PRKCG: variants seen among roughly 807,000 people sequenced by gnomAD.
The protein encoded by PRKCG is protein kinase C gamma type.
In PRKCG, 28 loss-of-function variants were observed where a neutral mutation model predicts 82.0. That is an observed-to-expected ratio of 0.34 (90% CI 0.25 to 0.47). PRKCG has a LOEUF of 0.47. PRKCG is among the 20% of genes least tolerant of loss of function. The pLI, the probability that PRKCG is intolerant of heterozygous loss-of-function variation, is 1.00. For synonymous variants in PRKCG, 383 were observed against 376.6 expected (o/e 1.02, Z -0.20); for missense variants, 640 against 952.7 (o/e 0.67, Z 4.32).
chr19:53,896,510 C>T (rs1449331702), intron 9 of PRKCG, among the ~76,000 whole-genome samples: 1 of 152,048 alleles, frequency 6.6e-6, no homozygotes, highest in Non-Finnish European at 1.5e-5. Flanking sequence ...ACCTCTGCCT[C>T]CCGGGTTCAA....
Position 53,883,655 on chromosome 19 carries a change from A to T in PRKCG, c.202+461A>T, listed in dbSNP as rs1160964286. 8.0e-6 allele frequency among the ~76,000 whole-genome samples: 1 copy of T among 124,718 alleles called. No individual in the cohort carries two copies. Among genetic ancestry groups the T allele is most frequent in the African/African-American group, 3.1e-5 (1 of 32,586 alleles). 81.8% of individuals were successfully genotyped at this position (124,718 alleles called of 152,430 possible). On this transcript the variant is annotated intron_variant, in intron 2 of 17. Coordinates refer to ENST00000263431, the MANE Select transcript of PRKCG (RefSeq NM_002739.5). The surrounding 1 kb of genome is among the most constrained non-coding windows in gnomAD (Gnocchi z 5.4). Reference sequence around the variant, plus strand: ...TTCTGGGGGGCGGGAGAGGGGGGCGAGTCCTTGAGCACCAGCTGCTACTGC... The same window carrying T: ...TTCTGGGGGGCGGGAGAGGGGGGCGTGTCCTTGAGCACCAGCTGCTACTGC...
At chr19:53,898,321 C>A in intron 10 of PRKCG, 119 bp from the exon 11 acceptor site, 1 of 1,410,006 alleles carries the variant, frequency 7.1e-7, no homozygotes, top group Non-Finnish European at 9.9e-7. Context: ...GGCTGTCAGT[C>A]CCTTAAGAGA....
rs762529486 is a variant in PRKCG, at chr19:53,892,752, GCA to G, written c.821+137_821+138del. 45,043 of 1,049,990 alleles carry G rather than the reference GCA, an allele frequency of 0.043. 226 individuals are homozygous for G. The highest frequency in any genetic ancestry group is 0.061 in the South Asian group (3,827 of 62,632). The allele number at this position is 1,049,990 out of a possible 1,614,324, so 65.0% of individuals were successfully genotyped here. ...TCCTTCCCTCTGCCTCCCAGCATGC[GCA>G]CACACACACACACACACACACACAC... is the stretch of plus-strand genomic sequence containing the variant. On this transcript the variant is annotated intron_variant, in intron 7 of 17. Transcript: ENST00000263431. The surrounding 1 kb of genome is among the most constrained non-coding windows in gnomAD (Gnocchi z 5.9).
chr19:53,887,700 C>T (rs961184250), intron 3 of PRKCG, among the ~76,000 whole-genome samples: 4 of 150,536 alleles, frequency 2.7e-5, no homozygotes, highest in South Asian at 2.1e-4. Context: ...CACGGTGGCA[C>T]GCGCCTGTAG....
At position 53,906,906 on chromosome 19, in the gene PRKCG, C is replaced by T. The variant is rs1271982202; in HGVS notation, c.*11C>T. 2 of 1,613,418 alleles carry T rather than the reference C, an allele frequency of 1.2e-6. No individual in the cohort carries two copies. Among genetic ancestry groups the T allele is most frequent in the Non-Finnish European group, 1.7e-6 (2 of 1,179,898 alleles). ...GTGCCCGTCATGTAATCTCACCCGC[C>T]GCCACTAGGTGTCCCCAACGTCCCC... On this transcript the variant is annotated 3_prime_UTR_variant, in exon 18 of 18. Coordinates refer to ENST00000263431, the MANE Select transcript of PRKCG (RefSeq NM_002739.5).
In PRKCG at chr19:53,884,305, G is replaced by T; in HGVS notation, c.285+62G>T. 1 of 1,469,706 alleles carries T rather than the reference G, an allele frequency of 6.8e-7. No individual in the cohort carries two copies. The highest frequency in any genetic ancestry group is 2.2e-4 in the Middle Eastern group (1 of 4,538). 91.0% of individuals were successfully genotyped at this position (1,469,706 alleles called of 1,614,324 possible). A position where few individuals can be genotyped will look rare whatever the true frequency, so the allele number is the denominator to read the frequency against. On this transcript the variant is annotated intron_variant, in intron 3 of 17. Coordinates refer to ENST00000263431, the MANE Select transcript of PRKCG (RefSeq NM_002739.5). This position sits in a 1 kb window ranked among gnomAD's most constrained non-coding sequence, Gnocchi z 4.6. ...GTGCCCCCGCCCTCACCCCCTCGGC[G>T]TCCGTCCCAATTTCTCCTGCTATTT...
chr19:53,892,917 T>C lies in PRKCG; in HGVS notation c.822-71T>C. On this transcript the variant is annotated intron_variant, in intron 7 of 17. Coordinates refer to ENST00000263431, the MANE Select transcript of PRKCG (RefSeq NM_002739.5). This position sits in a 1 kb window ranked among gnomAD's most constrained non-coding sequence, Gnocchi z 5.9. ...GTCTCTCTGTGTCTCTTTCCTCCCTTCCAATGTCTTTGCCTCTCCCATGGG... is the reference window on the plus strand; with the variant it reads ...GTCTCTCTGTGTCTCTTTCCTCCCTCCCAATGTCTTTGCCTCTCCCATGGG... 7.1e-7 allele frequency: 1 copy of C among 1,404,636 alleles called. No homozygotes were observed. Among genetic ancestry groups the C allele is most frequent in the Non-Finnish European group, 1.0e-6 (1 of 996,818 alleles). 87.0% of individuals were successfully genotyped at this position (1,404,636 alleles called of 1,614,324 possible). A position where few individuals can be genotyped will look rare whatever the true frequency, so the allele number is the denominator to read the frequency against.
At chr19:53,891,957 A>G in intron 6 of PRKCG, 127 bp downstream of exon 6, 1 of 1,239,198 alleles carries the variant, frequency 8.1e-7, no homozygotes, top group Non-Finnish European at 1.2e-6. Context: ...GCAGAAGAAG[A>G]TGGTGGGAAA....
upstream of PRKCG, chr19:53,882,191 G>A: frequency 2.4e-6 from 1 of 415,736 alleles, no homozygotes; most frequent in Non-Finnish European, 4.4e-6. This position sits in a 1 kb window ranked among gnomAD's most constrained non-coding sequence, Gnocchi z 6.1. Flanking sequence ...CCAACCCGGG[G>A]CTCCCACATT....
chr19:53,902,908 A>C (rs966304773), intron 14 of PRKCG, among the ~76,000 whole-genome samples, 165 bp from the exon 15 acceptor site: 3 of 151,446 alleles, frequency 2.0e-5, no homozygotes, highest in Admixed American at 2.0e-4. Flanking sequence ...AAAAAAAAAA[A>C]AAAAAAAACG....
intron 3 of PRKCG, among the ~76,000 whole-genome samples, chr19:53,885,507 G>A (rs1298379546): frequency 6.6e-6 from 1 of 152,142 alleles, no homozygotes; most frequent in Non-Finnish European, 1.5e-5. Context: ...TGGGATTACA[G>A]GCGTGAGCCA....
intron 14 of PRKCG, among the ~76,000 whole-genome samples, chr19:53,901,444 T>C (rs892717805): frequency 4.0e-5 from 6 of 149,386 alleles, no homozygotes; most frequent in African/African-American, 1.5e-4. Flanking sequence ...TTCGGGAGGC[T>C]GAGGCAGGAG....
chr19:53,897,979 T>C lies in PRKCG; in HGVS notation c.960T>C (p.Ser320=). ...CACAGCGGGTGCGGATGGGCCCCTC[T>C]TCCTCTCCCATCCCCTCCCCTTCCC... ...ELYERVRMGP[S]SSPIPSPSPS... is the part of the protein sequence containing the mutation. Residue 320 remains serine (S), a synonymous_variant, in exon 10 of 18, where the codon TCT becomes TCC. Transcript: ENST00000263431. 3.1e-6 allele frequency: 5 copies of C among 1,614,102 alleles called. No homozygotes were observed. Among genetic ancestry groups the C allele is most frequent in the Non-Finnish European group, 3.4e-6 (4 of 1,180,006 alleles).
intron 14 of PRKCG, among the ~76,000 whole-genome samples, chr19:53,902,413 CA>C (rs1221352194): frequency 6.6e-6 from 1 of 151,500 alleles, no homozygotes; most frequent in Non-Finnish European, 1.5e-5. Flanking sequence ...GACTCCATCT[CA>C]AAAAAGAAAA....
rs2068605226 is a variant in PRKCG, at chr19:53,883,107, G to A, written c.171-56G>A. On this transcript the variant is annotated intron_variant, in intron 1 of 17. Transcript: ENST00000263431. The surrounding 1 kb of genome is among the most constrained non-coding windows in gnomAD (Gnocchi z 5.4). ...GCGCAGGCCCCCTGTGGCTCGCAGA[G>A]GTTGGGGGTCCAGGTACCCCTTTCT... The A allele has an allele frequency of 2.5e-6, 4 of 1,607,652 alleles. No individual in the cohort carries two copies. The highest frequency in any genetic ancestry group is 3.4e-6 in the Non-Finnish European group (4 of 1,174,288).
chr19:53,893,182 C>A, intron 8 of PRKCG, 107 bp downstream of exon 8: 1 of 1,271,254 alleles, frequency 7.9e-7, no homozygotes, highest in Non-Finnish European at 1.1e-6. Flanking sequence ...GACTACAGTT[C>A]CCAGAAGACC....
rs778076446 is a variant in PRKCG at position 53,900,247 on chromosome 19, C to T, written c.1296C>T (p.Phe432=). The T allele has an allele frequency of 1.9e-6, 3 of 1,614,058 alleles. No homozygotes were observed. Among genetic ancestry groups the T allele is most frequent in the Non-Finnish European group, 2.5e-6 (3 of 1,179,978 alleles). Residue 432 remains phenylalanine (F), a synonymous_variant, in exon 12 of 18, where the codon TTC becomes TTT. Transcript: ENST00000263431. This position sits in a 1 kb window ranked among gnomAD's most constrained non-coding sequence, Gnocchi z 4.2. Reference sequence around the variant, plus strand: ...CTTCTCCGCAGGACCGCCTGTATTTCGTGATGGAGTACGTCACCGGGGGAG... The same window carrying T: ...CTTCTCCGCAGGACCGCCTGTATTTTGTGATGGAGTACGTCACCGGGGGAG... The part of the protein sequence containing the change: ...STFQTPDRLY[F]VMEYVTGGDL...
At position 53,882,673 on chromosome 19, in the gene PRKCG, AG is replaced by A. The variant is rs770629192; in HGVS notation, c.170+14del. ...TGCACCGACTTCATCTGGTGAGGGAAGGGGGCTGGGGGACTGGGGGACGAGG... is the reference window on the plus strand; with the variant it reads ...TGCACCGACTTCATCTGGTGAGGGAAGGGGCTGGGGGACTGGGGGACGAGG... On this transcript the variant is annotated intron_variant, in intron 1 of 17. Transcript: ENST00000263431. This position sits in a 1 kb window ranked among gnomAD's most constrained non-coding sequence, Gnocchi z 6.1. The A allele has an allele frequency of 9.9e-7, 1 of 1,006,118 alleles. No homozygotes were observed. The highest frequency in any genetic ancestry group is 1.4e-6 in the Non-Finnish European group (1 of 691,520). 62.3% of individuals were successfully genotyped at this position (1,006,118 alleles called of 1,614,324 possible).
At position 53,900,197 on chromosome 19, in the gene PRKCG, T is replaced by A; in HGVS notation, c.1282-36T>A. On this transcript the variant is annotated intron_variant, in intron 11 of 17. Coordinates refer to ENST00000263431, the MANE Select transcript of PRKCG (RefSeq NM_002739.5). The surrounding 1 kb of genome is among the most constrained non-coding windows in gnomAD (Gnocchi z 4.2). ...AAGAAATTCTCCTACTCTGGGTAGA[T>A]GGATCCCGCCTCTAAGCCCATGCAC... 1 of 1,583,008 alleles carries A rather than the reference T, an allele frequency of 6.3e-7. No homozygotes were observed. The highest frequency in any genetic ancestry group is 1.7e-4 in the Middle Eastern group (1 of 6,016).
Sources: gnomAD v4.1 joint callset for allele counts (sites outside exome capture counted in the v4.1 genomes callset) on GRCh38, gnomAD v4.1.1 for gene constraint, Gnocchi (gnomAD v3.1) non-coding constraint, MANE v1.5 for transcripts, NCBI Gene and HGNC (gene_info 2026-07-23, HGNC 2026-07-21) for gene names.